Variants in MAGI1 observed in about 807,000 individuals in gnomAD.
The protein encoded by MAGI1 is membrane-associated guanylate kinase, WW and PDZ domain-containing protein 1.
Under a neutral mutation model 139.9 loss-of-function variants are expected in MAGI1, and 58 were observed. The observed-to-expected ratio is 0.41, with a 90% CI of 0.34 to 0.52. The LOEUF (loss-of-function observed/expected upper bound fraction) is 0.52. Among genes scored for constraint, MAGI1 ranks in the 20% least tolerant of loss-of-function variants. The pLI is 0.12. For synonymous variants in MAGI1, 812 were observed against 737.9 expected (o/e 1.10, Z -1.63); for missense variants, 1,874 against 1,901.6 (o/e 0.99, Z 0.27).
At chr3:65,639,418 G>C (rs1193280563) in intron 1 of MAGI1, among the ~76,000 whole-genome samples, 1 of 152,068 alleles carries the variant, frequency 6.6e-6, no homozygotes, top group African/African-American at 2.4e-5. Context: ...AAGAACTCTG[G>C]GCAAGGAGTC....
intron 1 of MAGI1, among the ~76,000 whole-genome samples, chr3:65,757,056 T>C (rs965964745): frequency 6.8e-6 from 1 of 147,840 alleles, no homozygotes; most frequent in African/African-American, 2.5e-5. Context: ...TTTGGGTTGC[T>C]ACCTCCTTGC....
Position 65,758,560 on chromosome 3 carries a change from C to G in MAGI1, c.314-136472G>C, listed in dbSNP as rs116380078. 3.8e-3 allele frequency among the ~76,000 whole-genome samples: 572 copies of G among 152,146 alleles called. 1 individual carries two copies. Among genetic ancestry groups the G allele is most frequent in the Middle Eastern group, 0.024 (7 of 294 alleles). ...TTTCCAATATATATTCCCAAAGCAGCGGTTCTCAACTGGGGGGGAATATCA... is the reference window on the plus strand; with the variant it reads ...TTTCCAATATATATTCCCAAAGCAGGGGTTCTCAACTGGGGGGGAATATCA... On this transcript the variant is annotated intron_variant, in intron 1 of 22. Transcript: ENST00000402939.
At chr3:65,737,074 GGCTCACTACAA>G (rs1334645751) in intron 1 of MAGI1, among the ~76,000 whole-genome samples, 2 of 151,632 alleles carry the variant, frequency 1.3e-5, no homozygotes, top group Non-Finnish European at 2.9e-5. Flanking sequence ...GCGCGATCTC[GGCTCACTACAA>G]GCTCCACCTC....
intron 1 of MAGI1, among the ~76,000 whole-genome samples, chr3:65,724,937 G>A (rs2033438775): frequency 6.6e-6 from 1 of 152,066 alleles, no homozygotes; most frequent in African/African-American, 2.4e-5. Flanking sequence ...CGGGGGTTAT[G>A]GGCACTACAA....
chr3:65,443,976 G>A (rs895984528), intron 7 of MAGI1, among the ~76,000 whole-genome samples: 13 of 152,132 alleles, frequency 8.5e-5, no homozygotes, highest in African/African-American at 2.4e-4. Context: ...TGAGGTAGAG[G>A]CATGCACATG....
At chr3:65,978,687 G>A (rs1156228483) in intron 1 of MAGI1, among the ~76,000 whole-genome samples, 1 of 143,660 alleles carries the variant, frequency 7.0e-6, no homozygotes, top group African/African-American at 2.6e-5. Flanking sequence ...GGAGTGCAAT[G>A]GTGCAATCTC....
chr3:65,986,644 T>G (rs905433243), intron 1 of MAGI1, among the ~76,000 whole-genome samples: 1 of 152,138 alleles, frequency 6.6e-6, no homozygotes, highest in African/African-American at 2.4e-5. Flanking sequence ...AAGCTGAGAT[T>G]GTTTTCTCCT....
At chr3:65,372,202 T>G (rs1942070997) in intron 18 of MAGI1, among the ~76,000 whole-genome samples, 1 of 152,240 alleles carries the variant, frequency 6.6e-6, no homozygotes, top group African/African-American at 2.4e-5. Context: ...AAATGACTTC[T>G]TGATCCACGA....
At chr3:65,703,631 C>G (rs2089768035) in intron 1 of MAGI1, among the ~76,000 whole-genome samples, 1 of 152,174 alleles carries the variant, frequency 6.6e-6, no homozygotes, top group African/African-American at 2.4e-5. Flanking sequence ...GTGCAAAACT[C>G]ACCTAAGGTC....
chr3:66,006,788 C>G (rs1377327584), intron 1 of MAGI1, among the ~76,000 whole-genome samples: 1 of 150,070 alleles, frequency 6.7e-6, no homozygotes, highest in Non-Finnish European at 1.5e-5. Flanking sequence ...TTTAGCGGTC[C>G]TCTCTTTGAA....
intron 1 of MAGI1, among the ~76,000 whole-genome samples, chr3:65,978,777 G>A (rs543251204): frequency 1.4e-4 from 22 of 152,010 alleles, no homozygotes; most frequent in Non-Finnish European, 1.8e-4. Flanking sequence ...ACAGGCATGC[G>A]CCACCACGCC....
chr3:65,715,376 G>C (rs1006984305), intron 1 of MAGI1, among the ~76,000 whole-genome samples: 1 of 152,158 alleles, frequency 6.6e-6, no homozygotes, highest in African/African-American at 2.4e-5. Context: ...TTTGGTTTTA[G>C]TAATACAGGT....
intron 2 of MAGI1, among the ~76,000 whole-genome samples, chr3:65,540,877 G>T (rs1020255027): frequency 1.3e-5 from 2 of 152,224 alleles, no homozygotes; most frequent in African/African-American, 2.4e-5. Flanking sequence ...GGAAGCAGAT[G>T]TGCTGGGAAG....
In MAGI1 at chr3:65,356,386, T is replaced by C; in HGVS notation, c.4381A>G (p.Ser1461Gly). 1 of 1,584,288 alleles carries C rather than the reference T, an allele frequency of 6.3e-7. No homozygotes were observed. Among genetic ancestry groups the C allele is most frequent in the Non-Finnish European group, 8.5e-7 (1 of 1,170,294 alleles). The change falls in exon 23 of 23, where the codon AGT (serine) becomes GGT (glycine). Residue 1461 changes from serine (S) to glycine (G), a missense_variant. Physicochemically the swap from Ser to Gly is moderately conservative, Grantham distance 56. Around this residue, in one of 5 missense-constraint regions of MAGI1, gnomAD observed 653 missense variants for 644.5 expected, o/e 1.01. Transcript: ENST00000402939. The part of the protein sequence containing the change: ...RPYKECSTDL[S>G]I ...GAATGTGACTCAGCGTCTCAGATAC[T>C]GAGGTCGGTGCTACATTCTTTGTAA...
intron 2 of MAGI1, among the ~76,000 whole-genome samples, chr3:65,549,970 C>T (rs2079742231): frequency 6.6e-6 from 1 of 152,080 alleles, no homozygotes. Context: ...TTACTATGAG[C>T]CAAAAAATTC....
intron 2 of MAGI1, among the ~76,000 whole-genome samples, chr3:65,605,140 C>A (rs1391471724): frequency 6.6e-6 from 1 of 152,182 alleles, no homozygotes; most frequent in East Asian, 1.9e-4. Context: ...GTCATAACGA[C>A]CCTTTCAATT....
intron 1 of MAGI1, among the ~76,000 whole-genome samples, chr3:65,942,502 G>A (rs1418057817): frequency 1.3e-5 from 2 of 152,128 alleles, no homozygotes; most frequent in Non-Finnish European, 2.9e-5. Flanking sequence ...GCATGATCCC[G>A]ACTCTAATAT....
rs540699526 is a variant in MAGI1 at position 65,618,008 on chromosome 3, G to T, written c.430+3964C>A. 1.1e-4 allele frequency among the ~76,000 whole-genome samples: 17 copies of T among 152,302 alleles called. No homozygotes were observed. In the South Asian group the frequency reaches 3.5e-3, roughly 32 times the overall value. ...TCACGGAGTGCAGCTTGGGGAGTAG[G>T]GGGAGAGGGCAACAGGCCCAATCTG... On this transcript the variant is annotated intron_variant, in intron 2 of 22. Transcript: ENST00000402939.
At chr3:65,739,202 T>G (rs1288409057) in intron 1 of MAGI1, among the ~76,000 whole-genome samples, 2 of 152,262 alleles carry the variant, frequency 1.3e-5, no homozygotes, top group Non-Finnish European at 2.9e-5. Flanking sequence ...TCTTGCACTT[T>G]TATGTTATAA....
Sources: allele counts gnomAD v4.1 joint callset (sites outside exome capture counted in the v4.1 genomes callset), GRCh38; gene constraint gnomAD v4.1.1; regional missense constraint gnomAD v4.1.1; transcripts MANE v1.5; gene names NCBI Gene and HGNC (gene_info 2026-07-23, HGNC 2026-07-21).